ARB2A: variants seen among roughly 807,000 people sequenced by gnomAD.
ARB2A encodes the protein cotranscriptional regulator ARB2A.
chr5:93,639,842 C>T, the ARB2A span, among the ~76,000 whole-genome samples: 8 of 151,532 alleles, frequency 5.3e-5, no homozygotes, highest in Non-Finnish European at 7.4e-5. Flanking sequence ...GTCAGGAGTT[C>T]GAGACCGGCC....
At chr5:93,703,819 C>T in the ARB2A span, among the ~76,000 whole-genome samples, 1 of 152,254 alleles carries the variant, frequency 6.6e-6, no homozygotes, top group Admixed American at 6.5e-5. Context: ...CCTCAGTACC[C>T]TAATATTCTC....
chr5:93,877,311 T>C, the ARB2A span, among the ~76,000 whole-genome samples: 1 of 152,160 alleles, frequency 6.6e-6, no homozygotes, highest in African/African-American at 2.4e-5. Context: ...TAAAATTCTA[T>C]TAACTGACCT....
chr5:93,862,385 G>A, the ARB2A span: 2 of 152,170 alleles, frequency 1.3e-5, no homozygotes, highest in African/African-American at 2.4e-5. Context: ...ACAGAAAAAT[G>A]AACCAGAGAT....
At chr5:93,913,473 T>A in the ARB2A span, among the ~76,000 whole-genome samples, 2 of 151,946 alleles carry the variant, frequency 1.3e-5, no homozygotes, top group Non-Finnish European at 2.9e-5. Flanking sequence ...CCTCCTCGGA[T>A]ACTAGAGCCA....
At chr5:93,857,612 G>C in the ARB2A span, among the ~76,000 whole-genome samples, 2 of 152,158 alleles carry the variant, frequency 1.3e-5, no homozygotes, top group African/African-American at 4.8e-5. Flanking sequence ...TAATCTCCTG[G>C]TGCGCCGTAT....
the ARB2A span, among the ~76,000 whole-genome samples, chr5:93,785,787 A>G: frequency 6.6e-6 from 1 of 152,142 alleles, no homozygotes; most frequent in East Asian, 1.9e-4. Context: ...TTGCTGCAAA[A>G]ATTTATCCTG....
At chr5:93,955,044 G>C in the ARB2A span, among the ~76,000 whole-genome samples, 1 of 152,154 alleles carries the variant, frequency 6.6e-6, no homozygotes, top group Non-Finnish European at 1.5e-5. Flanking sequence ...GGAAGGGGTG[G>C]CATCGGCGAT....
chr5:93,947,698 G>A, the ARB2A span, among the ~76,000 whole-genome samples: 1 of 120,190 alleles, frequency 8.3e-6, no homozygotes, highest in African/African-American at 3.3e-5. Context: ...CCCAGAGTGC[G>A]ATGTTCCCCT....
chr5:93,926,654 C>A, the ARB2A span, among the ~76,000 whole-genome samples: 167 of 151,934 alleles, frequency 1.1e-3, no homozygotes, highest in African/African-American at 3.9e-3. Flanking sequence ...CGATAAAATG[C>A]AAATGTGGGT....
the ARB2A span, among the ~76,000 whole-genome samples, chr5:93,764,399 C>T: frequency 6.6e-6 from 1 of 152,200 alleles, no homozygotes; most frequent in Non-Finnish European, 1.5e-5. Context: ...TACAAACTAC[C>T]ATCAGAGAAT....
At chr5:93,800,880 A>G in the ARB2A span, among the ~76,000 whole-genome samples, 2 of 152,132 alleles carry the variant, frequency 1.3e-5, no homozygotes, top group Admixed American at 1.3e-4. Flanking sequence ...TCATTTTTAA[A>G]TGATCAGCTG....
chr5:93,774,916 A>G, the ARB2A span, among the ~76,000 whole-genome samples: 2 of 152,218 alleles, frequency 1.3e-5, no homozygotes, highest in South Asian at 4.1e-4. Flanking sequence ...ATCTAGGAGC[A>G]ATGATTATTT....
chr5:93,726,549 GCAAAGAAAAGTA>G, the ARB2A span, among the ~76,000 whole-genome samples: 1 of 152,190 alleles, frequency 6.6e-6, no homozygotes, highest in East Asian at 1.9e-4. Context: ...AGGCCAACAG[GCAAAGAAAAGTA>G]CAAAGAGAGA....
the ARB2A span, among the ~76,000 whole-genome samples, chr5:93,643,648 T>C: frequency 1.0e-3 from 152 of 152,078 alleles, no homozygotes; most frequent in Non-Finnish European, 1.8e-3. Flanking sequence ...GCATGTACCA[T>C]CATGCCTGGC....
chr5:94,059,980 A>G, the ARB2A span, among the ~76,000 whole-genome samples: 1 of 152,234 alleles, frequency 6.6e-6, no homozygotes, highest in Non-Finnish European at 1.5e-5. Flanking sequence ...ATGACTAAAT[A>G]AAAGCATTTA....
the ARB2A span, among the ~76,000 whole-genome samples, chr5:94,036,018 T>A: frequency 0.014 from 2,075 of 151,368 alleles, 54 homozygotes; most frequent in African/African-American, 0.047. Context: ...AAAATAAAAT[T>A]AAAAAAAACA....
chr5:93,865,372 G>A, the ARB2A span: 4 of 984,908 alleles, frequency 4.1e-6, no homozygotes, highest in Non-Finnish European at 3.6e-6. Flanking sequence ...GAGCCACCGC[G>A]CCCAGCCGAT....
At chr5:93,947,364 A>G in the ARB2A span, among the ~76,000 whole-genome samples, 2 of 152,126 alleles carry the variant, frequency 1.3e-5, no homozygotes, top group African/African-American at 4.8e-5. Context: ...ATTTCCCAAG[A>G]TAAGTTGTTT....
At chr5:94,088,049 G>C in the ARB2A span, among the ~76,000 whole-genome samples, 166 of 152,148 alleles carry the variant, frequency 1.1e-3, no homozygotes, top group African/African-American at 3.8e-3. Context: ...TTGTTCTTTG[G>C]GACATATTTC....
Sources: allele counts gnomAD v4.1 joint callset (sites outside exome capture counted in the v4.1 genomes callset), GRCh38; gene constraint gnomAD v4.1.1; transcripts MANE v1.5; gene names NCBI Gene and HGNC (gene_info 2026-07-23, HGNC 2026-07-21).